The following ADGRV1 variants were observed in gnomAD, a reference collection of about 807,000 sequenced individuals.
ADGRV1 encodes the protein adhesion G protein-coupled receptor V1.
In ADGRV1, 359 loss-of-function variants were observed where a neutral mutation model predicts 596.2. The ratio of observed to expected loss-of-function variants is 0.60; its 90% CI spans 0.55 to 0.66. The LOEUF (loss-of-function observed/expected upper bound fraction) is 0.66. Ranked by LOEUF, ADGRV1 falls within the 30% of genes least tolerant of loss-of-function variation. ADGRV1 has a pLI of 0.00. For synonymous variants in ADGRV1, 2,681 were observed against 2,679.2 expected, an observed-to-expected ratio of 1.00 and a Z score of -0.02; for missense variants, 7,274 against 7,575.6, an observed-to-expected ratio of 0.96 and a Z score of 1.48.
chr5:90,808,039 A>C (rs529657522), intron 73 of ADGRV1, among the ~76,000 whole-genome samples: 50 of 152,330 alleles, frequency 3.3e-4, no homozygotes, highest in African/African-American at 1.2e-3. Flanking sequence ...TCTTCTGAGA[A>C]GCTGAAAATA....
At chr5:90,973,904 G>A (rs1779302549) in intron 84 of ADGRV1, among the ~76,000 whole-genome samples, 1 of 152,194 alleles carries the variant, frequency 6.6e-6, no homozygotes, top group Admixed American at 6.5e-5. Flanking sequence ...AAAAGAGGAA[G>A]TCAAATTGTC....
chr5:90,998,692 A>T (rs1351038010), intron 85 of ADGRV1, among the ~76,000 whole-genome samples: 7 of 152,096 alleles, frequency 4.6e-5, no homozygotes, highest in Admixed American at 2.6e-4. Flanking sequence ...TTTTACTTTA[A>T]AAGATATTGT....
chr5:90,853,074 G>A lies in ADGRV1; in HGVS notation c.17205-210G>A, dbSNP rs146143942. On this transcript the variant is annotated intron_variant, in intron 79 of 89. Coordinates refer to ENST00000405460, the MANE Select transcript of ADGRV1 (RefSeq NM_032119.4). The stretch of plus-strand genomic sequence containing the variant: ...TGTTTTAGGTTACTAGGAGGATCAA[G>A]CAAGAGGATGCAGAAAATTCTGTGC... Among the ~76,000 whole-genome samples, 427 of 152,252 alleles carry A rather than the reference G, an allele frequency of 2.8e-3. No individual in the cohort carries two copies. The highest frequency in any genetic ancestry group is 9.9e-3 in the African/African-American group (410 of 41,558).
chr5:90,934,707 A>G (rs1263370507), intron 83 of ADGRV1, among the ~76,000 whole-genome samples: 1 of 152,230 alleles, frequency 6.6e-6, no homozygotes, highest in Non-Finnish European at 1.5e-5. Context: ...ATAACAAAAT[A>G]CAACAGACTG....
chr5:90,627,659 T>TA lies in ADGRV1; in HGVS notation c.1123dup (p.Ser375LysfsTer10). The TA allele has an allele frequency of 6.2e-7, 1 of 1,613,866 alleles. No individual in the cohort carries two copies. Among genetic ancestry groups the TA allele is most frequent in the East Asian group, 2.2e-5 (1 of 44,870 alleles). On this transcript the variant is annotated frameshift_variant, in exon 7 of 90. Coordinates refer to ENST00000405460, the MANE Select transcript of ADGRV1 (RefSeq NM_032119.4). LOFTEE classifies it high-confidence loss of function. ...ACCTTACAGGGAGATGCTGTGCTAA[T>TA]AAGCCCTTCTGTTGTACAAGTCACC...
intron 21 of ADGRV1, among the ~76,000 whole-genome samples, chr5:90,660,077 A>G (rs1770040270): frequency 6.6e-6 from 1 of 151,934 alleles, no homozygotes; most frequent in Non-Finnish European, 1.5e-5. Context: ...ATTGATTGCA[A>G]GAGGAGCTAG....
intron 85 of ADGRV1, among the ~76,000 whole-genome samples, chr5:91,071,736 A>G (rs1310018031): frequency 6.6e-6 from 1 of 151,928 alleles, no homozygotes; most frequent in African/African-American, 2.4e-5. Context: ...GTGCAGTGGC[A>G]TGATCTTGGA....
intron 83 of ADGRV1, among the ~76,000 whole-genome samples, chr5:90,868,380 CCTT>C (rs1319138136): frequency 6.6e-6 from 1 of 151,948 alleles, no homozygotes; most frequent in African/African-American, 2.4e-5. Flanking sequence ...GCTGCTGTGT[CCTT>C]CTGATTTTTT....
chr5:91,065,022 G>T (rs942640163), intron 85 of ADGRV1, among the ~76,000 whole-genome samples: 6 of 152,134 alleles, frequency 3.9e-5, no homozygotes, highest in African/African-American at 1.4e-4. Context: ...ACTTTATAAA[G>T]GATAAGCATC....
At chr5:90,726,448 A>G (rs1396412561) in intron 48 of ADGRV1, among the ~76,000 whole-genome samples, 1 of 152,142 alleles carries the variant, frequency 6.6e-6, no homozygotes. Flanking sequence ...ATAGTAAGAC[A>G]TCCTGAAAGA....
chr5:91,035,861 T>TATATATATATATATAATATATATAATA lies in ADGRV1; in HGVS notation c.18153-36586_18153-36585insATATATATATATATAATATATATAATA. 5.8e-4 allele frequency among the ~76,000 whole-genome samples: 56 copies of TATATATATATATATAATATATATAATA among 96,398 alleles called. 2 individuals are homozygous for TATATATATATATATAATATATATAATA. Among genetic ancestry groups the TATATATATATATATAATATATATAATA allele is most frequent in the East Asian group, 3.3e-3 (13 of 3,960 alleles). 63.2% of individuals were successfully genotyped at this position (96,398 alleles called of 152,430 possible). A position where few individuals can be genotyped will look rare whatever the true frequency, so the allele number is the denominator to read the frequency against. ...ATGAGTGTGTATATATATATATATA[T>TATATATATATATATAATATATATAATA]TATATATATATATATATATATCTTA... On this transcript the variant is annotated intron_variant, in intron 85 of 89. Transcript: ENST00000405460.
chr5:91,155,989 A>G (rs144063454), intron 89 of ADGRV1, among the ~76,000 whole-genome samples: 70 of 152,352 alleles, frequency 4.6e-4, no homozygotes, highest in African/African-American at 1.6e-3. Flanking sequence ...ACTGAGGGAC[A>G]ATCTTCCAAA....
chr5:90,897,265 T>C lies in ADGRV1; in HGVS notation c.17856+33408T>C, dbSNP rs72784605. On this transcript the variant is annotated intron_variant, in intron 83 of 89. Coordinates refer to ENST00000405460, the MANE Select transcript of ADGRV1 (RefSeq NM_032119.4). ...TTTAGTTCAAATAAAAATAAACTGTTGACAGAAAGGCAGGATAATGATTCA... is the reference window on the plus strand; with the variant it reads ...TTTAGTTCAAATAAAAATAAACTGTCGACAGAAAGGCAGGATAATGATTCA... Among the ~76,000 whole-genome samples the C allele has an allele frequency of 6.6e-3, 998 of 152,328 alleles. 2 individuals carry two copies. The highest frequency in any genetic ancestry group is 0.02 in the Middle Eastern group (6 of 294).
intron 67 of ADGRV1, among the ~76,000 whole-genome samples, chr5:90,785,350 G>T (rs926255897): frequency 2.6e-5 from 4 of 152,158 alleles, no homozygotes; most frequent in East Asian, 1.9e-4. Context: ...CGTGGGCAAG[G>T]ACTTCATGTC....
At chr5:90,797,693 C>T (rs1043176583) in intron 70 of ADGRV1, among the ~76,000 whole-genome samples, 4 of 152,100 alleles carry the variant, frequency 2.6e-5, no homozygotes, top group East Asian at 1.9e-4. Flanking sequence ...AGCACCTCGT[C>T]GCACTTATTC....
At chr5:90,730,330 A>G (rs1030585006) in intron 50 of ADGRV1, among the ~76,000 whole-genome samples, 9 of 152,244 alleles carry the variant, frequency 5.9e-5, no homozygotes, top group Non-Finnish European at 1.2e-4. Flanking sequence ...GGAGGAAAAT[A>G]TTAGTGAAGA....
intron 85 of ADGRV1, among the ~76,000 whole-genome samples, chr5:91,050,651 G>A (rs185287940): frequency 1.3e-5 from 2 of 152,058 alleles, no homozygotes; most frequent in South Asian, 2.1e-4. Context: ...TTGAACCCAG[G>A]AGTTCAAGAC....
At chr5:91,035,865 A>ATATAT (rs1562121881) in intron 85 of ADGRV1, among the ~76,000 whole-genome samples, 13 of 98,930 alleles carry the variant, frequency 1.3e-4, no homozygotes, top group African/African-American at 3.3e-4. Context: ...TATATATTAT[A>ATATAT]TATATATATA....
At chr5:90,766,651 A>T (rs1320168707) in intron 59 of ADGRV1, among the ~76,000 whole-genome samples, 2 of 152,208 alleles carry the variant, frequency 1.3e-5, no homozygotes. Context: ...TAAGAAGTGA[A>T]GGCGCAAGGT....
Sources: gnomAD v4.1 joint callset for allele counts (sites outside exome capture counted in the v4.1 genomes callset) on GRCh38, gnomAD v4.1.1 for gene constraint, MANE v1.5 for transcripts, NCBI Gene and HGNC (gene_info 2026-07-23, HGNC 2026-07-21) for gene names.